LONP2: variants seen among roughly 807,000 people sequenced by gnomAD.
The protein encoded by LONP2 is lon protease homolog 2, peroxisomal.
A neutral mutation model predicts 85.6 loss-of-function variants in LONP2; 60 were observed. That is an observed-to-expected ratio of 0.70 (90% CI 0.57 to 0.87). The LOEUF (loss-of-function observed/expected upper bound fraction) is 0.87. Among genes scored for constraint, LONP2 ranks in the 40% least tolerant of loss-of-function variants. The pLI, the probability that LONP2 is intolerant of heterozygous loss-of-function variation, is 0.00. For missense variants in LONP2, 860 were observed against 1,063.5 expected (o/e 0.81, Z 2.66); for synonymous variants, 395 against 389.7 (o/e 1.01, Z -0.16).
chr16:48,299,139 G>A (rs1008864233), intron 9 of LONP2, among the ~76,000 whole-genome samples: 4 of 151,794 alleles, frequency 2.6e-5, no homozygotes, highest in Admixed American at 6.6e-5. Context: ...TGATCCGCCC[G>A]CCTCAGCCTC....
rs1305761676 is a variant in LONP2, at chr16:48,352,132, A to G, written c.*330A>G. Reference sequence around the variant, plus strand: ...TTAGAAATGTACATTCTCAGGCTCCACAGCAGGCCGCCTGAATCAAATCCT... The same window carrying G: ...TTAGAAATGTACATTCTCAGGCTCCGCAGCAGGCCGCCTGAATCAAATCCT... On this transcript the variant is annotated 3_prime_UTR_variant, in exon 15 of 15. Transcript: ENST00000285737. 4 of 236,628 alleles carry G rather than the reference A, an allele frequency of 1.7e-5. No homozygotes were observed. Among genetic ancestry groups the G allele is most frequent in the Non-Finnish European group, 2.5e-5 (3 of 120,284 alleles). 14.7% of individuals were successfully genotyped at this position (236,628 alleles called of 1,614,324 possible).
chr16:48,299,697 A>G lies in LONP2; in HGVS notation c.1570A>G (p.Arg524Gly). 6.2e-7 allele frequency: 1 copy of G among 1,613,938 alleles called. No individual in the cohort carries two copies. The change falls in exon 10 of 15, where the codon AGG (arginine) becomes GGG (glycine). Residue 524 changes from arginine to glycine, a missense_variant. Arg to Gly is a moderately radical substitution (Grantham distance 125, BLOSUM62 -2). Around this residue, in one of 3 missense-constraint regions of LONP2, gnomAD observed 743 missense variants for 917.3 expected, o/e 0.81. Coordinates refer to ENST00000285737, the MANE Select transcript of LONP2 (RefSeq NM_031490.5). Reference protein sequence around the residue: ...TQEEKIEIAHRHLIPKQLEQH... With the variant: ...TQEEKIEIAHGHLIPKQLEQH... ...GGAGGAGAAGATAGAGATTGCCCAT[A>G]GGCACTTGATCCCCAAGCAGCTGGA...
chr16:48,358,452 T>C (rs1960456470), downstream of LONP2, among the ~76,000 whole-genome samples: 1 of 152,144 alleles, frequency 6.6e-6, no homozygotes, highest in Non-Finnish European at 1.5e-5. Context: ...ATTAAAGTGG[T>C]GAAACACTCA....
chr16:48,310,242 C>T (rs1171024540), intron 11 of LONP2, among the ~76,000 whole-genome samples: 2 of 151,730 alleles, frequency 1.3e-5, no homozygotes, highest in African/African-American at 4.8e-5. Context: ...TTTTTTAATC[C>T]ATTGCACCAA....
chr16:48,359,982 A>C (rs1024219088), downstream of LONP2, among the ~76,000 whole-genome samples: 2 of 152,244 alleles, frequency 1.3e-5, no homozygotes, highest in Non-Finnish European at 2.9e-5. Context: ...AGTAATTAGC[A>C]ACAGTTAACT....
chr16:48,335,022 C>G (rs1959601299), intron 12 of LONP2, among the ~76,000 whole-genome samples: 1 of 152,106 alleles, frequency 6.6e-6, no homozygotes, highest in Non-Finnish European at 1.5e-5. Context: ...TGTTTTAGTG[C>G]TTATTGTGAT....
At chr16:48,267,552 G>T (rs537570315) in intron 6 of LONP2, among the ~76,000 whole-genome samples, 1 of 151,998 alleles carries the variant, frequency 6.6e-6, no homozygotes, top group Admixed American at 6.6e-5. Flanking sequence ...TGCCTGCTTT[G>T]TCCTCCAAAA....
intron 12 of LONP2, among the ~76,000 whole-genome samples, chr16:48,339,559 T>A (rs1959756068): frequency 6.6e-6 from 1 of 152,094 alleles, no homozygotes; most frequent in South Asian, 2.1e-4. Context: ...AGGGAGAATG[T>A]TTTCAAAATA....
chr16:48,296,003 G>C lies in LONP2; in HGVS notation c.1384-12G>C. 1 of 1,603,526 alleles carries C rather than the reference G, an allele frequency of 6.2e-7. No individual in the cohort carries two copies. The highest frequency in any genetic ancestry group is 8.5e-7 in the Non-Finnish European group (1 of 1,177,258). On this transcript the variant is annotated splice_polypyrimidine_tract_variant and intron_variant, in intron 8 of 14. Transcript: ENST00000285737. ...TACTAAAGTTTTTAAAATGTTTTTT[G>C]TTCTCCCCTAGGTGTTGGATCCTGA...
chr16:48,330,015 C>T (rs1450507347), intron 11 of LONP2, among the ~76,000 whole-genome samples: 1 of 152,248 alleles, frequency 6.6e-6, no homozygotes, highest in Non-Finnish European at 1.5e-5. Context: ...ATTTGGAAGG[C>T]TTTCAGTCTA....
intron 11 of LONP2, among the ~76,000 whole-genome samples, chr16:48,304,948 A>T (rs1972881441): frequency 6.6e-6 from 1 of 152,198 alleles, no homozygotes; most frequent in African/African-American, 2.4e-5. Context: ...TTTATGGTGG[A>T]CCCAGTTGAA....
chr16:48,275,815 G>A (rs1446462358), intron 7 of LONP2, among the ~76,000 whole-genome samples: 1 of 152,118 alleles, frequency 6.6e-6, no homozygotes, highest in Non-Finnish European at 1.5e-5. Context: ...GGGAAGCAAT[G>A]GAAAGTGTAA....
At chr16:48,321,395 G>T (rs753821701) in intron 11 of LONP2, among the ~76,000 whole-genome samples, 6 of 152,290 alleles carry the variant, frequency 3.9e-5, no homozygotes, top group Non-Finnish European at 8.8e-5. Context: ...GAAAACAGGG[G>T]TGCAAACTTT....
At chr16:48,348,419 C>A in intron 14 of LONP2, 129 bp downstream of exon 14, 1 of 437,282 alleles carries the variant, frequency 2.3e-6, no homozygotes, top group Non-Finnish European at 3.7e-6. Context: ...TATTTTTATG[C>A]CTGTAACTAA....
chr16:48,267,664 G>C (rs545370857), intron 6 of LONP2, among the ~76,000 whole-genome samples: 6 of 152,126 alleles, frequency 3.9e-5, no homozygotes, highest in Admixed American at 3.3e-4. Context: ...CGGCCAGGCT[G>C]TAGTGCAGTG....
Position 48,270,154 on chromosome 16 carries a change from T to C in LONP2, c.1121T>C (p.Val374Ala), listed in dbSNP as rs1972073445. 6.2e-7 allele frequency: 1 copy of C among 1,614,054 alleles called. No individual in the cohort carries two copies. The highest frequency in any genetic ancestry group is 8.5e-7 in the Non-Finnish European group (1 of 1,179,972). ...NNLKGPILCF[V>A]GPPGVGKTSV... ...CTGAAGGGCCCAATCCTATGCTTTG[T>C]TGGCCCTCCTGGAGTTGGTAAAACA... The change falls in exon 7 of 15, where the codon GTT becomes GCT. Residue 374 changes from valine (V) to alanine (A), a missense_variant. Coordinates refer to ENST00000285737, the MANE Select transcript of LONP2 (RefSeq NM_031490.5).
intron 7 of LONP2, among the ~76,000 whole-genome samples, chr16:48,271,012 C>T (rs566456879): frequency 2.6e-5 from 4 of 151,936 alleles, no homozygotes; most frequent in African/African-American, 7.3e-5. Context: ...TAATTTTTGT[C>T]TCCACAAAAA....
At chr16:48,269,231 T>C (rs1314645078) in intron 6 of LONP2, among the ~76,000 whole-genome samples, 1 of 151,774 alleles carries the variant, frequency 6.6e-6, no homozygotes, top group East Asian at 1.9e-4. Flanking sequence ...CCAGCACTTC[T>C]GTTCATAGAA....
chr16:48,283,374 A>G (rs1034724305), intron 8 of LONP2, among the ~76,000 whole-genome samples: 1 of 152,182 alleles, frequency 6.6e-6, no homozygotes, highest in Non-Finnish European at 1.5e-5. Flanking sequence ...TAGGACTTTC[A>G]TGGCTAGAGA....
Sources: allele counts gnomAD v4.1 joint callset (sites outside exome capture counted in the v4.1 genomes callset), GRCh38; gene constraint gnomAD v4.1.1; regional missense constraint gnomAD v4.1.1; transcripts MANE v1.5; gene names NCBI Gene and HGNC (gene_info 2026-07-23, HGNC 2026-07-21).